ZFHX3: variants seen among roughly 807,000 people sequenced by gnomAD.
ZFHX3 encodes zinc finger homeobox protein 3.
Under a neutral mutation model 279.1 loss-of-function variants are expected in ZFHX3, and 42 were observed. The observed-to-expected ratio is 0.15, with a 90% CI of 0.12 to 0.19. The LOEUF (loss-of-function observed/expected upper bound fraction) is 0.19, where lower values mean the gene tolerates loss of function less well. Ranked by LOEUF, ZFHX3 falls within the 10% of genes least tolerant of loss-of-function variation. The probability of loss-of-function intolerance (pLI) is 1.00; values close to 1 mark genes in which losing one functional copy is unlikely to be tolerated. For missense variants in ZFHX3, 4,981 were observed against 4,754.0 expected, an observed-to-expected ratio of 1.05 and a Z score of -1.40; for synonymous variants, 2,293 against 1,957.8, an observed-to-expected ratio of 1.17 and a Z score of -4.52.
intron 1 of ZFHX3, among the ~76,000 whole-genome samples, chr16:72,986,046 C>G (rs993322936): frequency 3.3e-5 from 5 of 152,090 alleles, no homozygotes; most frequent in African/African-American, 1.2e-4. Context: ...TTAACCACCC[C>G]CCACCCCGCC....
chr16:73,792,657 T>A (rs926340966), intron 1 of ZFHX3, among the ~76,000 whole-genome samples: 9 of 152,262 alleles, frequency 5.9e-5, no homozygotes, highest in African/African-American at 2.2e-4. Flanking sequence ...TAAGGGCTGA[T>A]TTACAGTTTA....
At chr16:73,350,791 T>A (rs1301014764) in intron 3 of ZFHX3, among the ~76,000 whole-genome samples, 1 of 152,220 alleles carries the variant, frequency 6.6e-6, no homozygotes, top group Non-Finnish European at 1.5e-5. Context: ...GTGAGCAGCT[T>A]TGAGAGTCTG....
At chr16:73,631,143 T>A (rs1424406669) in intron 2 of ZFHX3, among the ~76,000 whole-genome samples, 1 of 152,322 alleles carries the variant, frequency 6.6e-6, no homozygotes, top group East Asian at 1.9e-4. Flanking sequence ...AAACTTGAAG[T>A]ACGCTGTTAG....
At chr16:73,504,615 A>C (rs1047938440) in intron 2 of ZFHX3, 4 of 152,322 alleles carry the variant, frequency 2.6e-5, no homozygotes, top group African/African-American at 9.6e-5. Context: ...CAATGCACTT[A>C]ACCCACCTGG....
At chr16:73,661,878 A>G (rs1182848412) in intron 2 of ZFHX3, among the ~76,000 whole-genome samples, 1 of 151,910 alleles carries the variant, frequency 6.6e-6, no homozygotes, top group African/African-American at 2.4e-5. Flanking sequence ...ATTGTATATT[A>G]TTCTGTTTTC....
intron 4 of ZFHX3, among the ~76,000 whole-genome samples, chr16:72,849,066 C>G (rs1216741882): frequency 6.6e-6 from 1 of 152,120 alleles, no homozygotes; most frequent in African/African-American, 2.4e-5. Flanking sequence ...CCTAATGAAG[C>G]CCGGGGGTGG....
At chr16:73,294,852 T>C (rs1009836023) in intron 4 of ZFHX3, among the ~76,000 whole-genome samples, 6 of 151,408 alleles carry the variant, frequency 4.0e-5, no homozygotes, top group Non-Finnish European at 7.4e-5. Context: ...AGAGCTCATA[T>C]TGGCCATGGA....
chr16:73,028,484 G>A (rs73594775), intron 1 of ZFHX3, among the ~76,000 whole-genome samples: 2,154 of 152,258 alleles, frequency 0.014, 58 homozygotes, highest in African/African-American at 0.05. Context: ...CCGGGTTTGG[G>A]GTTGGTCGCT....
intron 7 of ZFHX3, among the ~76,000 whole-genome samples, chr16:72,806,808 A>G (rs1341134391): frequency 6.6e-6 from 1 of 152,192 alleles, no homozygotes; most frequent in Non-Finnish European, 1.5e-5. Context: ...CAGGTACAAA[A>G]AATACAGAAT....
chr16:73,434,857 G>A (rs865843713), intron 3 of ZFHX3, among the ~76,000 whole-genome samples: 16 of 152,278 alleles, frequency 1.1e-4, no homozygotes, highest in African/African-American at 2.9e-4. Context: ...GGCTGACGCC[G>A]TCCAGTCAGT....
At chr16:73,337,908 C>A (rs28671439) in intron 3 of ZFHX3, among the ~76,000 whole-genome samples, 70,782 of 106,704 alleles carry the variant, frequency 0.66, 25,715 homozygotes, top group African/African-American at 0.77. Context: ...GGGGGGTCCT[C>A]ATCCCCTTTT....
intron 7 of ZFHX3, among the ~76,000 whole-genome samples, chr16:72,804,436 C>T (rs1260176792): frequency 6.6e-6 from 1 of 152,190 alleles, no homozygotes; most frequent in Non-Finnish European, 1.5e-5. Flanking sequence ...AATACTTTCA[C>T]AGAAAGAATA....
intron 2 of ZFHX3, among the ~76,000 whole-genome samples, chr16:73,629,665 A>G (rs1338769164): frequency 6.6e-6 from 1 of 152,106 alleles, no homozygotes; most frequent in Non-Finnish European, 1.5e-5. Flanking sequence ...AAAGAAAGAA[A>G]GGAAAAAGAA....
chr16:73,249,799 T>A (rs1013725678), intron 5 of ZFHX3, among the ~76,000 whole-genome samples: 6 of 148,506 alleles, frequency 4.0e-5, no homozygotes, highest in African/African-American at 1.5e-4. Flanking sequence ...CAAAGAAAAA[T>A]GGGCAAATGA....
chr16:73,867,825 G>A (rs974789626), intron 1 of ZFHX3, among the ~76,000 whole-genome samples: 2 of 152,176 alleles, frequency 1.3e-5, no homozygotes, highest in East Asian at 1.9e-4. Context: ...AATTGGCAGC[G>A]TTCTGATACT....
chr16:72,958,766 T>C lies in ZFHX3; in HGVS notation c.1380A>G (p.Glu460=). ...DCFSEKVEPA[E]EEAEEEEEEE... is the part of the protein sequence containing the mutation. ...CCTCCTCTTCCTCCTCCGCCTCCTCTTCGGCTGGCTCTACCTTCTCAGAGA... is the reference window on the plus strand; with the variant it reads ...CCTCCTCTTCCTCCTCCGCCTCCTCCTCGGCTGGCTCTACCTTCTCAGAGA... Residue 460 remains glutamate, a synonymous_variant, in exon 2 of 10, where the codon GAA becomes GAG. Coordinates refer to ENST00000268489, the MANE Select transcript of ZFHX3 (RefSeq NM_006885.4). The C allele has an allele frequency of 6.2e-7, 1 of 1,614,028 alleles. No individual in the cohort carries two copies. Among genetic ancestry groups the C allele is most frequent in the East Asian group, 2.2e-5 (1 of 44,850 alleles).
intron 2 of ZFHX3, among the ~76,000 whole-genome samples, chr16:73,494,438 T>C (rs561310453): frequency 2.0e-5 from 3 of 152,296 alleles, no homozygotes; most frequent in South Asian, 2.1e-4. Flanking sequence ...GCCTCTTCCA[T>C]TTACCCCTTG....
chr16:73,377,553 T>A (rs1446108202), intron 3 of ZFHX3, among the ~76,000 whole-genome samples: 3 of 152,120 alleles, frequency 2.0e-5, no homozygotes, highest in African/African-American at 4.8e-5. Context: ...TCTCTGCACA[T>A]CTTTCCATCT....
At chr16:72,978,602 G>A (rs12599470) in intron 1 of ZFHX3, among the ~76,000 whole-genome samples, 22,706 of 152,138 alleles carry the variant, frequency 0.15, 2,017 homozygotes, top group East Asian at 0.4. Context: ...CCAGCGCCAC[G>A]CTGCTGGCCT....
Sources: allele counts gnomAD v4.1 joint callset (sites outside exome capture counted in the v4.1 genomes callset), GRCh38; gene constraint gnomAD v4.1.1; transcripts MANE v1.5; gene names NCBI Gene and HGNC (gene_info 2026-07-23, HGNC 2026-07-21).